Variants in ZNF804A observed in about 807,000 individuals in gnomAD.
ZNF804A encodes zinc finger protein 804A.
Under a neutral mutation model 16.5 loss-of-function variants are expected in ZNF804A, and 2 were observed. The observed-to-expected ratio is 0.12, with a 90% CI of 0.05 to 0.38. The LOEUF is 0.38. Among genes scored for constraint, ZNF804A ranks in the 10% least tolerant of loss-of-function variants. The pLI, the probability that ZNF804A is intolerant of heterozygous loss-of-function variation, is 0.99. For synonymous variants in ZNF804A, 534 were observed against 489.6 expected, an observed-to-expected ratio of 1.09 and a Z score of -1.20; for missense variants, 1,473 against 1,390.7, an observed-to-expected ratio of 1.06 and a Z score of -0.94.
intron 2 of ZNF804A, among the ~76,000 whole-genome samples, chr2:184,901,555 CT>C (rs1685182544): frequency 6.6e-6 from 1 of 152,136 alleles, no homozygotes; most frequent in South Asian, 2.1e-4. Flanking sequence ...GTAAATTATA[CT>C]TTCCTCAGCA....
At chr2:184,935,636 G>T in intron 3 of ZNF804A, 147 bp from the exon 4 acceptor site, 1 of 835,346 alleles carries the variant, frequency 1.2e-6, no homozygotes, top group South Asian at 2.1e-5. Flanking sequence ...ACCATGGAAA[G>T]TACTTACACC....
intron 1 of ZNF804A, among the ~76,000 whole-genome samples, chr2:184,703,288 A>T (rs1692958390): frequency 6.6e-6 from 1 of 152,212 alleles, no homozygotes; most frequent in Non-Finnish European, 1.5e-5. Context: ...TATAAATGGA[A>T]TCTGTTAGAG....
chr2:184,615,488 G>A (rs146487202), intron 1 of ZNF804A, among the ~76,000 whole-genome samples: 55 of 152,082 alleles, frequency 3.6e-4, no homozygotes, highest in African/African-American at 1.3e-3. Flanking sequence ...CAATTAATTT[G>A]GATGATAACT....
At position 184,695,565 on chromosome 2, in the gene ZNF804A, C is replaced by T. The variant is rs764360984; in HGVS notation, c.111+96495C>T. On this transcript the variant is annotated intron_variant, in intron 1 of 3. Coordinates refer to ENST00000302277, the MANE Select transcript of ZNF804A (RefSeq NM_194250.2). ...TGTTCCCCAGGCTGGAGTGCATCGG[C>T]ATGATCATGTTCAGCTAATTTTTTT... Among the ~76,000 whole-genome samples, 8 of 149,818 alleles carry T rather than the reference C, an allele frequency of 5.3e-5. 1 individual carries two copies. Among genetic ancestry groups the T allele is most frequent in the Non-Finnish European group, 1.0e-4 (7 of 67,790 alleles).
At chr2:184,895,666 A>G (rs879868264) in intron 2 of ZNF804A, among the ~76,000 whole-genome samples, 2 of 152,234 alleles carry the variant, frequency 1.3e-5, no homozygotes, top group Admixed American at 1.3e-4. Flanking sequence ...CTGAACTAAG[A>G]GAAGGAAATG....
intron 2 of ZNF804A, among the ~76,000 whole-genome samples, chr2:184,916,938 G>A (rs1229272283): frequency 6.6e-6 from 1 of 152,080 alleles, no homozygotes; most frequent in African/African-American, 2.4e-5. Context: ...GTAATTCAGT[G>A]ATGCTATTAA....
At chr2:184,909,219 A>G (rs937924752) in intron 2 of ZNF804A, among the ~76,000 whole-genome samples, 2 of 152,120 alleles carry the variant, frequency 1.3e-5, no homozygotes, top group Non-Finnish European at 2.9e-5. Context: ...AACTGGTTTT[A>G]TCGAGGAAAA....
intron 1 of ZNF804A, among the ~76,000 whole-genome samples, chr2:184,699,400 G>C (rs1198743234): frequency 6.6e-6 from 1 of 152,054 alleles, no homozygotes; most frequent in East Asian, 1.9e-4. Flanking sequence ...ATGATGTATT[G>C]ATTAGATAGA....
intron 1 of ZNF804A, among the ~76,000 whole-genome samples, chr2:184,742,501 T>G (rs1338830197): frequency 6.6e-6 from 1 of 151,990 alleles, no homozygotes; most frequent in Admixed American, 6.6e-5. Flanking sequence ...ACCTATCACC[T>G]GATAGAAAGA....
chr2:184,632,585 C>G (rs1691631080), intron 1 of ZNF804A, among the ~76,000 whole-genome samples: 1 of 152,192 alleles, frequency 6.6e-6, no homozygotes, highest in Admixed American at 6.5e-5. Context: ...TTAGTAGATA[C>G]AAGGTTTCAC....
intron 1 of ZNF804A, among the ~76,000 whole-genome samples, chr2:184,824,059 A>G (rs35105890): frequency 0.05 from 7,680 of 152,196 alleles, 258 homozygotes; most frequent in Middle Eastern, 0.078. Context: ...AAAAAGATCA[A>G]TAGATACGCC....
At chr2:184,828,951 T>C (rs1010112211) in intron 1 of ZNF804A, among the ~76,000 whole-genome samples, 18 of 151,912 alleles carry the variant, frequency 1.2e-4, no homozygotes, top group African/African-American at 4.3e-4. Context: ...TACATCCTAA[T>C]ACTTAGCTTT....
At chr2:184,755,464 T>A (rs1433127702) in intron 1 of ZNF804A, among the ~76,000 whole-genome samples, 1 of 152,000 alleles carries the variant, frequency 6.6e-6, no homozygotes, top group Non-Finnish European at 1.5e-5. Flanking sequence ...ATATTTGTTA[T>A]TTTTGTATGT....
intron 1 of ZNF804A, among the ~76,000 whole-genome samples, chr2:184,684,229 A>G (rs1692590335): frequency 6.6e-6 from 1 of 152,236 alleles, no homozygotes; most frequent in South Asian, 2.1e-4. Context: ...AATGTACATA[A>G]ACACGGACAT....
At chr2:184,638,145 C>A (rs1574141902) in intron 1 of ZNF804A, among the ~76,000 whole-genome samples, 1 of 152,178 alleles carries the variant, frequency 6.6e-6, no homozygotes, top group East Asian at 1.9e-4. Context: ...CAATATAGAG[C>A]TGTTAGGTTT....
chr2:184,916,656 T>A (rs1200574821), intron 2 of ZNF804A, among the ~76,000 whole-genome samples: 13 of 152,138 alleles, frequency 8.5e-5, no homozygotes, highest in Admixed American at 8.5e-4. Flanking sequence ...GAGACCATCC[T>A]GGTCAACATG....
At chr2:184,599,579 A>T (rs1279662915) in intron 1 of ZNF804A, among the ~76,000 whole-genome samples, 1 of 152,204 alleles carries the variant, frequency 6.6e-6, no homozygotes, top group Non-Finnish European at 1.5e-5. Flanking sequence ...TTCTCCAGTG[A>T]GAAGTTGTCT....
chr2:184,756,648 G>C (rs1410516300), intron 1 of ZNF804A, among the ~76,000 whole-genome samples: 1 of 151,920 alleles, frequency 6.6e-6, no homozygotes, highest in Non-Finnish European at 1.5e-5. Flanking sequence ...ATTATTTCAT[G>C]TGTCCATTTT....
chr2:184,628,714 T>C (rs1691550772), intron 1 of ZNF804A, among the ~76,000 whole-genome samples: 1 of 152,152 alleles, frequency 6.6e-6, no homozygotes, highest in Admixed American at 6.5e-5. Context: ...AGAATCGTGG[T>C]ATTTCTATTG....
Sources: gnomAD v4.1 joint callset for allele counts (sites outside exome capture counted in the v4.1 genomes callset) on GRCh38, gnomAD v4.1.1 for gene constraint, MANE v1.5 for transcripts, NCBI Gene and HGNC (gene_info 2026-07-23, HGNC 2026-07-21) for gene names.